Variants in EIF2B3 observed in about 807,000 individuals in gnomAD.
EIF2B3 encodes eukaryotic translation initiation factor 2B subunit gamma, also known as translation initiation factor eIF2B subunit gamma.
A neutral mutation model predicts 54.1 loss-of-function variants in EIF2B3; 20 were observed. The ratio of observed to expected loss-of-function variants is 0.37; its 90% CI spans 0.26 to 0.54. EIF2B3 has a LOEUF of 0.54. Among genes scored for constraint, EIF2B3 ranks in the 20% least tolerant of loss-of-function variants. The pLI is 0.86. For missense variants in EIF2B3, 448 were observed against 547.8 expected (o/e 0.82, Z 1.82); for synonymous variants, 153 against 188.1 (o/e 0.81, Z 1.52).
chr1:44,858,242 C>G (rs1291630914), intron 10 of EIF2B3, among the ~76,000 whole-genome samples: 27 of 151,628 alleles, frequency 1.8e-4, no homozygotes, highest in Non-Finnish European at 4.4e-5. Context: ...CTAATTACTT[C>G]AGTTCTTTAG....
At chr1:44,962,737 G>A (rs1644298363) in intron 3 of EIF2B3, among the ~76,000 whole-genome samples, 1 of 152,144 alleles carries the variant, frequency 6.6e-6, no homozygotes, top group African/African-American at 2.4e-5. Context: ...TCTATATTAA[G>A]GGAGTAAGGA....
Position 44,952,188 on chromosome 1 carries a change from C to T in EIF2B3, c.295-10523G>A, listed in dbSNP as rs1243661421. ...CCGTTTTAGCCAGGATGGTCTCGAT[C>T]TCCTGACCTCGTGATCCGCCCGCCT... On this transcript the variant is annotated intron_variant, in intron 3 of 11. Coordinates refer to ENST00000360403, the MANE Select transcript of EIF2B3 (RefSeq NM_020365.5). Among the ~76,000 whole-genome samples the T allele has an allele frequency of 1.6e-4, 22 of 139,450 alleles. 3 individuals carry two copies. The highest frequency in any genetic ancestry group is 3.6e-4 in the Admixed American group (5 of 13,754). The allele number at this position is 139,450 out of a possible 152,430, so 91.5% of individuals were successfully genotyped here. A position where few individuals can be genotyped will look rare whatever the true frequency, so the allele number is the denominator to read the frequency against.
Position 44,941,592 on chromosome 1 carries a change from G to A in EIF2B3, c.368C>T (p.Ala123Val), listed in dbSNP as rs749857178. ...CAACATAGCAAGTGATGCATCATAAGCTCTAAACAGGTCCACAACCTCATG... is the reference window on the plus strand; with the variant it reads ...CAACATAGCAAGTGATGCATCATAAACTCTAAACAGGTCCACAACCTCATG... ...ALHEVVDLFR[A>V]YDASLAMLMR... Residue 123 changes from alanine to valine, a missense_variant, in exon 4 of 12, where the codon GCT (alanine) becomes GTT (valine). Ala to Val is a moderately conservative substitution (Grantham distance 64, BLOSUM62 0). Around this residue, in one of 3 missense-constraint regions of EIF2B3, gnomAD observed 350 missense variants for 414.2 expected, o/e 0.85. Transcript: ENST00000360403. 12 of 1,613,938 alleles carry A rather than the reference G, an allele frequency of 7.4e-6. No homozygotes were observed. The Admixed American group carries it at 1.2e-4, about 16-fold the overall frequency.
At chr1:44,949,286 A>G (rs1377874627) in intron 3 of EIF2B3, among the ~76,000 whole-genome samples, 1 of 152,244 alleles carries the variant, frequency 6.6e-6, no homozygotes, top group African/African-American at 2.4e-5. Flanking sequence ...TAGAAAGGGC[A>G]GAGCCGATAT....
intron 4 of EIF2B3, among the ~76,000 whole-genome samples, chr1:44,930,995 C>T (rs1245799062): frequency 1.3e-5 from 2 of 152,170 alleles, no homozygotes; most frequent in Admixed American, 6.5e-5. Context: ...TGATAGTTGC[C>T]TCCTGGTATT....
At chr1:44,868,581 G>A (rs1392518414) in intron 10 of EIF2B3, among the ~76,000 whole-genome samples, 4 of 150,756 alleles carry the variant, frequency 2.7e-5, no homozygotes, top group Non-Finnish European at 5.9e-5. Flanking sequence ...GCCCACCTCA[G>A]CCTCCCAAAG....
chr1:44,883,852 C>T, intron 6 of EIF2B3, among the ~76,000 whole-genome samples: 1 of 152,056 alleles, frequency 6.6e-6, no homozygotes, highest in Non-Finnish European at 1.5e-5. Flanking sequence ...GTAATTTTTC[C>T]TTGTTAGACG....
chr1:44,926,819 T>G (rs1346624186), intron 4 of EIF2B3, 80 bp from the exon 5 acceptor site: 9 of 1,174,296 alleles, frequency 7.7e-6, no homozygotes, highest in African/African-American at 1.5e-5. Context: ...ACACAGTATC[T>G]GCTCAGTGCT....
chr1:44,924,615 C>T (rs906296082), intron 5 of EIF2B3, among the ~76,000 whole-genome samples: 3 of 150,300 alleles, frequency 2.0e-5, no homozygotes, highest in Admixed American at 2.0e-4. Flanking sequence ...CTCGATCTCC[C>T]GACCTTGTGA....
At chr1:44,910,801 C>T (rs1643499155) in intron 5 of EIF2B3, among the ~76,000 whole-genome samples, 2 of 151,942 alleles carry the variant, frequency 1.3e-5, no homozygotes, top group South Asian at 4.2e-4. Context: ...AAAGAGAAAA[C>T]TGATGGGATG....
At chr1:44,979,963 C>A (rs1644496278) in intron 2 of EIF2B3, among the ~76,000 whole-genome samples, 3 of 151,998 alleles carry the variant, frequency 2.0e-5, no homozygotes, top group South Asian at 2.1e-4. Flanking sequence ...GAGACTCCAA[C>A]ATTTTAAATC....
chr1:44,982,078 C>T (rs1006101835), intron 1 of EIF2B3, among the ~76,000 whole-genome samples: 4 of 152,048 alleles, frequency 2.6e-5, no homozygotes, highest in Non-Finnish European at 4.4e-5. Context: ...ATTCAGCCAT[C>T]GGCTCATCTT....
At chr1:44,885,901 A>AT (rs57544990) in intron 6 of EIF2B3, among the ~76,000 whole-genome samples, 4,386 of 133,166 alleles carry the variant, frequency 0.033, 156 homozygotes, top group African/African-American at 0.078. Flanking sequence ...CGCTTGGCTA[A>AT]TTTTTTTTTT....
chr1:44,953,625 C>T (rs1424279758), intron 3 of EIF2B3, among the ~76,000 whole-genome samples: 1 of 152,080 alleles, frequency 6.6e-6, no homozygotes, highest in Non-Finnish European at 1.5e-5. Flanking sequence ...TTAGCCATCT[C>T]TACAAAAAAT....
chr1:44,943,149 GC>G (rs1237916958), intron 3 of EIF2B3, among the ~76,000 whole-genome samples: 1 of 151,742 alleles, frequency 6.6e-6, no homozygotes, highest in African/African-American at 2.4e-5. Context: ...GAGCCACCAC[GC>G]CCGGCCTTAT....
chr1:44,960,164 A>G (rs1644268739), intron 3 of EIF2B3, among the ~76,000 whole-genome samples: 1 of 152,218 alleles, frequency 6.6e-6, no homozygotes. Context: ...TGTATTTAAA[A>G]ATAACTCACA....
At chr1:44,888,695 A>G (rs1432348138) in intron 6 of EIF2B3, among the ~76,000 whole-genome samples, 2 of 152,158 alleles carry the variant, frequency 1.3e-5, no homozygotes, top group Non-Finnish European at 2.9e-5. Flanking sequence ...GACCCCATAA[A>G]CTGCTCAAGA....
chr1:44,874,379 T>A, intron 10 of EIF2B3: 1 of 358,342 alleles, frequency 2.8e-6, no homozygotes, highest in South Asian at 3.9e-5. Flanking sequence ...TATGCCCCAT[T>A]TAGAGCTGTC....
At chr1:44,950,168 AC>A (rs1156641219) in intron 3 of EIF2B3, among the ~76,000 whole-genome samples, 1 of 152,200 alleles carries the variant, frequency 6.6e-6, no homozygotes, top group African/African-American at 2.4e-5. Context: ...CATGCCTGTA[AC>A]CCCAGCATTT....
Sources: gnomAD v4.1 joint callset for allele counts (sites outside exome capture counted in the v4.1 genomes callset) on GRCh38, gnomAD v4.1.1 for gene constraint, gnomAD v4.1.1 regional missense constraint, MANE v1.5 for transcripts, NCBI Gene and HGNC (gene_info 2026-07-23, HGNC 2026-07-21) for gene names.